Variants in CRYL1 observed in about 807,000 individuals in gnomAD.
CRYL1 encodes the protein crystallin lambda 1.
A neutral mutation model predicts 36.6 loss-of-function variants in CRYL1; 29 were observed. The ratio of observed to expected loss-of-function variants is 0.79; its 90% CI spans 0.59 to 1.08. CRYL1 has a LOEUF of 1.08. CRYL1 is among the 50% of genes least tolerant of loss of function. CRYL1 has a pLI of 0.00. For synonymous variants in CRYL1, 152 were observed against 151.5 expected, an observed-to-expected ratio of 1.00 and a Z score of -0.02; for missense variants, 411 against 407.9, an observed-to-expected ratio of 1.01 and a Z score of -0.06.
intron 2 of CRYL1, among the ~76,000 whole-genome samples, chr13:20,492,036 G>T (rs1319998082): frequency 6.6e-6 from 1 of 152,092 alleles, no homozygotes; most frequent in Non-Finnish European, 1.5e-5. Context: ...CATGAGAAAA[G>T]GTTCCTCTAT....
intron 3 of CRYL1, among the ~76,000 whole-genome samples, chr13:20,477,708 T>C (rs527352403): frequency 9.6e-5 from 14 of 146,172 alleles, no homozygotes; most frequent in Non-Finnish European, 1.9e-4. Flanking sequence ...AAAATATATA[T>C]AATAAATTTT....
chr13:20,408,411 C>T (rs1285902328), intron 6 of CRYL1, among the ~76,000 whole-genome samples: 3 of 152,196 alleles, frequency 2.0e-5, no homozygotes, highest in Non-Finnish European at 2.9e-5. Flanking sequence ...GCGATTTCCA[C>T]GCTGCCAGAT....
chr13:20,461,019 T>C (rs1220501637), intron 3 of CRYL1, among the ~76,000 whole-genome samples: 1 of 152,132 alleles, frequency 6.6e-6, no homozygotes, highest in Admixed American at 6.5e-5. Flanking sequence ...CCACCACAAC[T>C]AGGGTAGCCG....
intron 2 of CRYL1, among the ~76,000 whole-genome samples, chr13:20,494,912 G>C (rs987955235): frequency 3.3e-5 from 5 of 152,200 alleles, no homozygotes; most frequent in Non-Finnish European, 5.9e-5. Context: ...GGGCATGAGG[G>C]AGAGACACGG....
intron 3 of CRYL1, among the ~76,000 whole-genome samples, chr13:20,487,859 C>T (rs9552203): frequency 0.26 from 39,075 of 151,978 alleles, 5,072 homozygotes; most frequent in Admixed American, 0.31. Flanking sequence ...CCCAGCACTT[C>T]GAGAGGCCAA....
intron 2 of CRYL1, among the ~76,000 whole-genome samples, chr13:20,498,070 T>C (rs747602867): frequency 1.1e-4 from 17 of 148,204 alleles, no homozygotes. Context: ...CTATACACAC[T>C]ACACACACAC....
At chr13:20,462,850 C>T (rs9315598) in intron 3 of CRYL1, among the ~76,000 whole-genome samples, 146,052 of 152,138 alleles carry the variant, frequency 0.96, 70,370 homozygotes, top group East Asian at 1. Flanking sequence ...TGAAAAAGCA[C>T]AGGCAAAACT....
intron 3 of CRYL1, among the ~76,000 whole-genome samples, chr13:20,449,724 T>TTCAATATA (rs2032528441): frequency 6.6e-6 from 1 of 152,172 alleles, no homozygotes; most frequent in Non-Finnish European, 1.5e-5. Flanking sequence ...CTCCTGAAAC[T>TTCAATATA]GATAAATGAC....
chr13:20,416,008 C>A (rs1002122547), intron 5 of CRYL1, among the ~76,000 whole-genome samples: 4 of 152,186 alleles, frequency 2.6e-5, no homozygotes, highest in South Asian at 4.1e-4. Flanking sequence ...GCCAGGGTCA[C>A]GCGCACAGGG....
chr13:20,498,962 C>A (rs563854518), intron 2 of CRYL1, among the ~76,000 whole-genome samples: 8 of 152,182 alleles, frequency 5.3e-5, no homozygotes, highest in Non-Finnish European at 1.2e-4. Flanking sequence ...GTTCTAAATT[C>A]TCTGACCTTA....
intron 3 of CRYL1, among the ~76,000 whole-genome samples, chr13:20,446,715 T>A (rs1246536811): frequency 1.3e-5 from 2 of 151,196 alleles, no homozygotes; most frequent in Non-Finnish European, 1.5e-5. Context: ...CTCTAGAATT[T>A]TTTTTGTTTT....
At chr13:20,406,797 G>T (rs2031388883) in intron 6 of CRYL1, among the ~76,000 whole-genome samples, 1 of 151,860 alleles carries the variant, frequency 6.6e-6, no homozygotes, top group Non-Finnish European at 1.5e-5. Context: ...GGAAAGAGCT[G>T]CTGTGGCTGC....
intron 6 of CRYL1, among the ~76,000 whole-genome samples, chr13:20,407,773 C>T (rs1413329648): frequency 6.6e-6 from 1 of 152,228 alleles, no homozygotes; most frequent in African/African-American, 2.4e-5. Context: ...AATTGATTCT[C>T]ATGAGATTGG....
At chr13:20,472,788 A>G (rs1038510416) in intron 3 of CRYL1, among the ~76,000 whole-genome samples, 1 of 152,226 alleles carries the variant, frequency 6.6e-6, no homozygotes, top group Non-Finnish European at 1.5e-5. Flanking sequence ...TGCATCTCCC[A>G]GGTCCCAGAC....
At chr13:20,420,701 T>TTGTG (rs1555226402) in intron 5 of CRYL1, among the ~76,000 whole-genome samples, 6 of 21,838 alleles carry the variant, frequency 2.7e-4, no homozygotes, top group African/African-American at 5.3e-4. Context: ...AAAATAGAGG[T>TTGTG]TGTGTGTGTG....
intron 3 of CRYL1, among the ~76,000 whole-genome samples, chr13:20,475,882 T>C (rs550920409): frequency 6.6e-6 from 1 of 152,248 alleles, no homozygotes; most frequent in East Asian, 1.9e-4. Flanking sequence ...CGGTGACATA[T>C]CCACAAATCA....
chr13:20,421,177 CTG>C (rs1308781628), intron 5 of CRYL1, among the ~76,000 whole-genome samples: 1 of 152,034 alleles, frequency 6.6e-6, no homozygotes, highest in African/African-American at 2.4e-5. Flanking sequence ...TCTTAGAACA[CTG>C]TGTGTATAAT....
chr13:20,431,827 A>G, intron 5 of CRYL1: 1 of 1,376,866 alleles, frequency 7.3e-7, no homozygotes, highest in South Asian at 1.5e-5. Context: ...TAATGCTATG[A>G]AAGGGCAGGA....
intron 3 of CRYL1, among the ~76,000 whole-genome samples, chr13:20,456,627 CACACACACACA>C (rs1383309780): frequency 2.5e-4 from 10 of 39,894 alleles, no homozygotes; most frequent in East Asian, 9.3e-4. Context: ...CACACACACA[CACACACACACA>C]AAGACCACGA....
Sources: allele counts gnomAD v4.1 joint callset (sites outside exome capture counted in the v4.1 genomes callset), GRCh38; gene constraint gnomAD v4.1.1; transcripts MANE v1.5; gene names NCBI Gene and HGNC (gene_info 2026-07-23, HGNC 2026-07-21).